PLSCR5: variants seen among roughly 807,000 people sequenced by gnomAD.
The protein encoded by PLSCR5 is phospholipid scramblase family, member 5.
A neutral mutation model predicts 33.6 loss-of-function variants in PLSCR5; 44 were observed. The ratio of observed to expected loss-of-function variants is 1.31; its 90% confidence interval spans 1.03 to 1.69. The LOEUF is 1.69. PLSCR5 is among the 40% of genes most tolerant of loss of function. The pLI, the probability that PLSCR5 is intolerant of heterozygous loss-of-function variation, is 0.00. For synonymous variants in PLSCR5, 148 were observed against 112.3 expected, an observed-to-expected ratio of 1.32 and a Z score of -2.01; for missense variants, 375 against 318.7, an observed-to-expected ratio of 1.18 and a Z score of -1.34.
downstream of PLSCR5, among the ~76,000 whole-genome samples, chr3:146,582,135 CAG>C (rs1290887495): frequency 6.6e-6 from 1 of 152,196 alleles, no homozygotes. Flanking sequence ...TTCTCCCTCA[CAG>C]AGAGTAGGTA....
At chr3:146,590,860 A>G (rs2044707293) in intron 5 of PLSCR5, among the ~76,000 whole-genome samples, 1 of 152,066 alleles carries the variant, frequency 6.6e-6, no homozygotes, top group African/African-American at 2.4e-5. Flanking sequence ...TACACTTTCA[A>G]TTAGGCTGTC....
Position 146,589,833 on chromosome 3 carries a change from G to A in PLSCR5, c.616-19C>T, listed in dbSNP as rs201993584. 97 of 1,473,990 alleles carry A rather than the reference G, an allele frequency of 6.6e-5. 1 individual carries two copies. The Middle Eastern group carries it at 7.1e-4, about 11-fold the overall frequency. The allele number at this position is 1,473,990 out of a possible 1,614,324, so 91.3% of individuals were successfully genotyped here. On this transcript the variant is annotated intron_variant, in intron 5 of 7. Coordinates refer to ENST00000443512, the MANE Select transcript of PLSCR5 (RefSeq NM_001085420.2). The stretch of plus-strand genomic sequence containing the variant: ...TTTTCACCTTTAGAAAGAAAATAAG[G>A]AGTATTAAATTTGACAGTGAAAAAA...
chr3:146,596,439 T>C (rs61013048), intron 2 of PLSCR5, among the ~76,000 whole-genome samples: 43,348 of 152,002 alleles, frequency 0.29, 6,348 homozygotes, highest in African/African-American at 0.36. Flanking sequence ...GATCCACCCA[T>C]CTCAGCCTCC....
chr3:146,588,740 G>A (rs1006774774), intron 6 of PLSCR5, among the ~76,000 whole-genome samples: 6 of 152,126 alleles, frequency 3.9e-5, no homozygotes, highest in African/African-American at 1.4e-4. Context: ...TTGAATCAGT[G>A]TTTAGTGCCT....
At chr3:146,582,613 A>G (rs554344280), downstream of PLSCR5, among the ~76,000 whole-genome samples, 17 of 152,072 alleles carry the variant, frequency 1.1e-4, no homozygotes, top group African/African-American at 3.9e-4. Context: ...CGCCTTCTTG[A>G]TTTTCTCAGC....
chr3:146,602,343 C>T (rs2044825047), intron 1 of PLSCR5, among the ~76,000 whole-genome samples: 1 of 152,214 alleles, frequency 6.6e-6, no homozygotes, highest in South Asian at 2.1e-4. Flanking sequence ...AACATTATTT[C>T]TTTAGCGTTA....
At chr3:146,584,855 A>T (rs1189045469), downstream of PLSCR5, among the ~76,000 whole-genome samples, 1 of 152,164 alleles carries the variant, frequency 6.6e-6, no homozygotes, top group Non-Finnish European at 1.5e-5. Context: ...TAACTTGACT[A>T]ACTTAGTAAC....
At chr3:146,598,389 A>G (rs1235226634) in intron 2 of PLSCR5, among the ~76,000 whole-genome samples, 1 of 152,200 alleles carries the variant, frequency 6.6e-6, no homozygotes, top group Non-Finnish European at 1.5e-5. Context: ...AAAGTAAAGT[A>G]AATAAATGTT....
At chr3:146,588,266 C>A (rs896452280) in intron 6 of PLSCR5, among the ~76,000 whole-genome samples, 1 of 151,974 alleles carries the variant, frequency 6.6e-6, no homozygotes, top group Admixed American at 6.6e-5. Flanking sequence ...GTCAGAAGAT[C>A]GAGACCATCC....
At chr3:146,588,411 T>C (rs1252856692) in intron 6 of PLSCR5, among the ~76,000 whole-genome samples, 2 of 151,896 alleles carry the variant, frequency 1.3e-5, no homozygotes, top group East Asian at 3.9e-4. Context: ...GCAGAGGTTG[T>C]GGTGAGCCAA....
chr3:146,583,123 A>T (rs2044644325), downstream of PLSCR5, among the ~76,000 whole-genome samples: 1 of 151,858 alleles, frequency 6.6e-6, no homozygotes, highest in African/African-American at 2.4e-5. Context: ...ATCCAGCATC[A>T]CTCCCTCCTT....
chr3:146,596,323 G>T (rs529458174), intron 2 of PLSCR5, among the ~76,000 whole-genome samples: 173 of 152,188 alleles, frequency 1.1e-3, no homozygotes, highest in African/African-American at 3.7e-3. Flanking sequence ...TGAGCAGTTG[G>T]GATTACAGGT....
chr3:146,595,701 AAG>A (rs2044755205), intron 2 of PLSCR5, among the ~76,000 whole-genome samples: 1 of 152,180 alleles, frequency 6.6e-6, no homozygotes, highest in Admixed American at 6.5e-5. Context: ...TCTTGAAAAC[AAG>A]AGTTTGTGAA....
At chr3:146,603,184 T>C (rs1263227435) in intron 1 of PLSCR5, among the ~76,000 whole-genome samples, 2 of 152,168 alleles carry the variant, frequency 1.3e-5, no homozygotes, top group Non-Finnish European at 2.9e-5. Flanking sequence ...CTATGAAATA[T>C]GTGAAATGTA....
intron 2 of PLSCR5, among the ~76,000 whole-genome samples, chr3:146,599,514 C>CTT (rs200837530): frequency 8.5e-5 from 12 of 141,920 alleles, no homozygotes; most frequent in East Asian, 2.1e-4. Context: ...TTTGCATTAA[C>CTT]TTTTTTTTTT....
chr3:146,594,747 G>A (rs2044743887), intron 3 of PLSCR5, among the ~76,000 whole-genome samples: 1 of 152,016 alleles, frequency 6.6e-6, no homozygotes, highest in Admixed American at 6.6e-5. Context: ...TAAATGATTA[G>A]CATCCACGGA....
At chr3:146,590,279 C>A (rs1195588910) in intron 5 of PLSCR5, 1 of 152,076 alleles carries the variant, frequency 6.6e-6, no homozygotes, top group African/African-American at 2.4e-5. Context: ...TGTAAACTTT[C>A]AAATTTCAGT....
At position 146,602,821 on chromosome 3, in the gene PLSCR5, C is replaced by T. The variant is rs544659535; in HGVS notation, c.14-2358G>A. Among the ~76,000 whole-genome samples the T allele has an allele frequency of 2.3e-3, 343 of 152,104 alleles. 2 individuals are homozygous for T. The highest frequency in any genetic ancestry group is 3.8e-3 in the Non-Finnish European group (261 of 67,986). ...TACATTCCCGCCCAGTCCTGGAGGG[C>T]CTTAGACTTCACAGCAAGTCCAGAA... On this transcript the variant is annotated intron_variant, in intron 1 of 7. Transcript: ENST00000443512.
At chr3:146,594,301 A>G (rs935345674) in intron 3 of PLSCR5, among the ~76,000 whole-genome samples, 161 bp from the exon 4 acceptor site, 1 of 152,118 alleles carries the variant, frequency 6.6e-6, no homozygotes, top group African/African-American at 2.4e-5. Context: ...AATTTTTAGG[A>G]CTTAGCCATG....
Sources: gnomAD v4.1 joint callset for allele counts (sites outside exome capture counted in the v4.1 genomes callset) on GRCh38, gnomAD v4.1.1 for gene constraint, MANE v1.5 for transcripts, NCBI Gene and HGNC (gene_info 2026-07-23, HGNC 2026-07-21) for gene names.